The following HAO2 variants were observed in gnomAD, a reference collection of about 807,000 sequenced individuals.
HAO2 encodes the protein hydroxyacid oxidase 2, also known as 2-Hydroxyacid oxidase 2.
Under a neutral mutation model 37.4 loss-of-function variants are expected in HAO2, and 42 were observed. The ratio of observed to expected loss-of-function variants is 1.12; its 90% CI spans 0.88 to 1.45. The LOEUF (loss-of-function observed/expected upper bound fraction) is 1.45. Ranked by LOEUF, HAO2 falls within the 40% of genes most tolerant of loss-of-function variation. The probability of loss-of-function intolerance (pLI) is 0.00; values close to 1 mark genes in which losing one functional copy is unlikely to be tolerated. For missense variants in HAO2, 476 were observed against 430.2 expected, an observed-to-expected ratio of 1.11 and a Z score of -0.94; for synonymous variants, 180 against 162.8, an observed-to-expected ratio of 1.11 and a Z score of -0.81.
At chr1:119,380,860 G>A in intron 1 of HAO2, 2 of 696,528 alleles carry the variant, frequency 2.9e-6, no homozygotes, top group South Asian at 3.7e-5. Flanking sequence ...CAGGATTTGG[G>A]AATGGGAATG....
intron 1 of HAO2, among the ~76,000 whole-genome samples, chr1:119,375,780 A>G (rs112492729): frequency 0.028 from 4,334 of 152,246 alleles, 198 homozygotes; most frequent in African/African-American, 0.097. Flanking sequence ...GGCAGGCAAG[A>G]GAGTGTGTGC....
intron 1 of HAO2, 27 bp downstream of exon 1, chr1:119,368,929 C>T (rs1173283412): frequency 6.6e-6 from 1 of 152,102 alleles, no homozygotes; most frequent in African/African-American, 2.4e-5. Flanking sequence ...GTTCTGTGTG[C>T]TTGGAACTGA....
intron 1 of HAO2, among the ~76,000 whole-genome samples, chr1:119,377,051 C>G (rs587610158): frequency 8.5e-5 from 13 of 152,344 alleles, no homozygotes; most frequent in African/African-American, 2.9e-4. Flanking sequence ...TCTTTTCTAT[C>G]ATCACATCAT....
chr1:119,382,720 G>A (rs1027270805), intron 2 of HAO2, among the ~76,000 whole-genome samples, 195 bp from the exon 3 acceptor site: 1 of 152,202 alleles, frequency 6.6e-6, no homozygotes, highest in Admixed American at 6.5e-5. Flanking sequence ...GGTGTTGGAA[G>A]CGGCTTTCTG....
chr1:119,388,821 G>T (rs1418673426), intron 5 of HAO2, among the ~76,000 whole-genome samples: 1 of 151,792 alleles, frequency 6.6e-6, no homozygotes, highest in Non-Finnish European at 1.5e-5. Flanking sequence ...GGTGGTGTCT[G>T]CTACATGAGT....
chr1:119,387,034 C>T (rs1406358482), intron 5 of HAO2, among the ~76,000 whole-genome samples: 1 of 152,146 alleles, frequency 6.6e-6, no homozygotes, highest in Non-Finnish European at 1.5e-5. Context: ...TCAACCTTTA[C>T]ATATAGCATC....
chr1:119,388,748 T>G (rs1418232631), intron 5 of HAO2, among the ~76,000 whole-genome samples: 1 of 152,168 alleles, frequency 6.6e-6, no homozygotes, highest in Non-Finnish European at 1.5e-5. Context: ...TAAAACATTG[T>G]GTTCAAACAT....
intron 1 of HAO2, among the ~76,000 whole-genome samples, chr1:119,375,515 T>G (rs1489645122): frequency 6.6e-6 from 1 of 152,176 alleles, no homozygotes; most frequent in Non-Finnish European, 1.5e-5. Context: ...CCAACTATTG[T>G]GTTCTTTACC....
At chr1:119,380,343 C>T (rs1649818804) in intron 1 of HAO2, among the ~76,000 whole-genome samples, 1 of 152,072 alleles carries the variant, frequency 6.6e-6, no homozygotes, top group Non-Finnish European at 1.5e-5. Flanking sequence ...TAAATGGAGC[C>T]AACATACATT....
In HAO2 at chr1:119,393,998, G is replaced by T. The variant is rs1570804102; in HGVS notation, c.*158G>T. The T allele has an allele frequency of 6.8e-7, 1 of 1,469,030 alleles. No individual in the cohort carries two copies. The highest frequency in any genetic ancestry group is 2.5e-5 in the East Asian group (1 of 39,256). The allele number at this position is 1,469,030 out of a possible 1,614,324, so 91.0% of individuals were successfully genotyped here. On this transcript the variant is annotated 3_prime_UTR_variant, in exon 8 of 8. Transcript: ENST00000325945. Reference sequence around the variant, plus strand: ...TAATACCACCACCCCTGTGCTTCAGGCCCTCCAAACCCCTGTGTTCCCCAA... The same window carrying T: ...TAATACCACCACCCCTGTGCTTCAGTCCCTCCAAACCCCTGTGTTCCCCAA...
At chr1:119,384,567 A>T (rs182433816) in intron 3 of HAO2, among the ~76,000 whole-genome samples, 2 of 152,360 alleles carry the variant, frequency 1.3e-5, no homozygotes, top group Admixed American at 1.3e-4. Context: ...TTTGTAAGAC[A>T]GGTTATACAG....
intron 1 of HAO2, among the ~76,000 whole-genome samples, chr1:119,373,634 C>T (rs771752600): frequency 1.3e-5 from 2 of 152,090 alleles, no homozygotes; most frequent in African/African-American, 2.4e-5. Context: ...TGCCCCACCA[C>T]GGCAAATCTC....
intron 1 of HAO2, among the ~76,000 whole-genome samples, chr1:119,374,094 C>T (rs1649252954): frequency 6.6e-6 from 1 of 152,192 alleles, no homozygotes; most frequent in South Asian, 2.1e-4. Context: ...TAGAAACACT[C>T]AGTTCCCTTT....
chr1:119,382,879 C>T (rs746989238), intron 2 of HAO2, 36 bp from the exon 3 acceptor site: 10 of 1,600,526 alleles, frequency 6.2e-6, no homozygotes, highest in Non-Finnish European at 8.5e-6. Flanking sequence ...GCAGAATCAT[C>T]TCACCAACAG....
At position 119,384,740 on chromosome 1, in the gene HAO2, T is replaced by C. The variant is rs1650240634; in HGVS notation, c.284-36T>C. 8 of 1,599,948 alleles carry C rather than the reference T, an allele frequency of 5.0e-6. No individual in the cohort carries two copies. In the East Asian group the frequency reaches 1.8e-4, roughly 36 times the overall value. Reference sequence around the variant, plus strand: ...GTTTTCAGCCCAGTCCAGAGGCCTCTGCCCTCCAGCCTGAGTCATGTCCTT... The same window carrying C: ...GTTTTCAGCCCAGTCCAGAGGCCTCCGCCCTCCAGCCTGAGTCATGTCCTT... On this transcript the variant is annotated intron_variant, in intron 3 of 7. Coordinates refer to ENST00000325945, the MANE Select transcript of HAO2 (RefSeq NM_016527.4).
At chr1:119,393,134 C>T (rs1046996265) in intron 7 of HAO2, among the ~76,000 whole-genome samples, 1 of 152,104 alleles carries the variant, frequency 6.6e-6, no homozygotes, top group Non-Finnish European at 1.5e-5. Flanking sequence ...CCCAGTTAAA[C>T]GTTACGCAGC....
chr1:119,393,941 C>G lies in HAO2; in HGVS notation c.*101C>G. 1 of 1,586,922 alleles carries G rather than the reference C, an allele frequency of 6.3e-7. No homozygotes were observed. Among genetic ancestry groups the G allele is most frequent in the Non-Finnish European group, 8.6e-7 (1 of 1,160,768 alleles). The stretch of plus-strand genomic sequence containing the variant: ...TGTCCTTCCTGGACCCCATTCTGTC[C>G]GGAGGCTCATGGCCCATATTTCCCA... On this transcript the variant is annotated 3_prime_UTR_variant, in exon 8 of 8. Transcript: ENST00000325945.
chr1:119,370,418 A>C (rs1648887877), intron 1 of HAO2: 1 of 152,218 alleles, frequency 6.6e-6, no homozygotes, highest in African/African-American at 2.4e-5. Flanking sequence ...CCAGAGCCTC[A>C]GATGAAATCA....
At chr1:119,380,916 C>T (rs1201837998) in intron 1 of HAO2, among the ~76,000 whole-genome samples, 162 bp from the exon 2 acceptor site, 1 of 152,122 alleles carries the variant, frequency 6.6e-6, no homozygotes, top group Admixed American at 6.5e-5. Flanking sequence ...TGACTTCTGG[C>T]TTAGGGATCA....
Sources: gnomAD v4.1 joint callset for allele counts (sites outside exome capture counted in the v4.1 genomes callset) on GRCh38, gnomAD v4.1.1 for gene constraint, MANE v1.5 for transcripts, NCBI Gene and HGNC (gene_info 2026-07-23, HGNC 2026-07-21) for gene names.